Variants in HERC2 observed in about 807,000 individuals in gnomAD.
HERC2 encodes E3 ubiquitin-protein ligase HERC2.
Under a neutral mutation model 537.7 loss-of-function variants are expected in HERC2, and 102 were observed. The observed-to-expected ratio is 0.19, with a 90% CI of 0.16 to 0.22. The LOEUF is 0.22. HERC2 is among the 10% of genes least tolerant of loss of function. The pLI is 1.00. For synonymous variants in HERC2, 2,224 were observed against 2,466.2 expected (o/e 0.90, Z 2.91); for missense variants, 4,236 against 6,198.2 (o/e 0.68, Z 10.63).
In HERC2 at chr15:28,146,319, A is replaced by G. The variant is rs1891730277; in HGVS notation, c.10926T>C (p.Phe3642=). The G allele has an allele frequency of 3.1e-6, 5 of 1,613,948 alleles. No homozygotes were observed. Among genetic ancestry groups the G allele is most frequent in the Admixed American group, 1.7e-5 (1 of 59,998 alleles). The part of the protein sequence containing the change: ...IPGAEGLRVE[F]DRQCSTERRH... ...GCCTCTCTGTGGAGCACTGCCGGTC[A>G]AATTCTACCCTGAGTCCTTCTGCAC... Residue 3642 remains phenylalanine, a synonymous_variant, in exon 71 of 93, where the codon TTT becomes TTC. Transcript: ENST00000261609.
In HERC2 at chr15:28,270,431, G is replaced by A. The variant is rs1191550943; in HGVS notation, c.1257+264C>T. On this transcript the variant is annotated intron_variant, in intron 10 of 92. Transcript: ENST00000261609. ...GAAGGTGGGAGGGCCTGGGGCTGTG[G>A]ATAAAGGGGAGCTCTCTGGGGCTGT... is the stretch of plus-strand genomic sequence containing the variant. Among the ~76,000 whole-genome samples the A allele has an allele frequency of 1.6e-4, 24 of 152,018 alleles. 1 individual carries two copies. Among genetic ancestry groups the A allele is most frequent in the Admixed American group, 1.6e-3 (24 of 15,264 alleles).
chr15:28,158,637 CAT>C (rs1294449713), intron 69 of HERC2, among the ~76,000 whole-genome samples: 5 of 152,132 alleles, frequency 3.3e-5, no homozygotes, highest in African/African-American at 9.7e-5. Flanking sequence ...TGTCTCTGCA[CAT>C]GAGATGGGTT....
intron 4 of HERC2, among the ~76,000 whole-genome samples, chr15:28,282,886 C>T (rs1385766479): frequency 6.6e-6 from 1 of 150,900 alleles, no homozygotes; most frequent in Non-Finnish European, 1.5e-5. Context: ...GAGCCGAGAA[C>T]GTCCACTGCA....
intron 86 of HERC2, 86 bp from the exon 87 acceptor site, chr15:28,117,240 G>A (rs775537998): frequency 7.5e-6 from 10 of 1,339,184 alleles, no homozygotes; most frequent in Admixed American, 1.7e-5. Context: ...GCGAATGCAC[G>A]AGGAGGAGGC....
At chr15:28,171,097 T>C (rs1894649867) in intron 65 of HERC2, among the ~76,000 whole-genome samples, 1 of 152,214 alleles carries the variant, frequency 6.6e-6, no homozygotes, top group Admixed American at 6.5e-5. Context: ...AATTACCATA[T>C]GACCAACCAT....
chr15:28,307,762 T>G (rs1384646261), intron 2 of HERC2, among the ~76,000 whole-genome samples: 1 of 152,266 alleles, frequency 6.6e-6, no homozygotes, highest in Non-Finnish European at 1.5e-5. Flanking sequence ...GCTTCATTCT[T>G]CTGCATATGA....
In HERC2 at chr15:28,142,958, A is replaced by G. The variant is rs1891369821; in HGVS notation, c.11419-6T>C. 6.2e-7 allele frequency: 1 copy of G among 1,606,866 alleles called. No individual in the cohort carries two copies. The highest frequency in any genetic ancestry group is 1.1e-5 in the South Asian group (1 of 89,346). On this transcript the variant is annotated splice_polypyrimidine_tract_variant and splice_region_variant and intron_variant, in intron 74 of 92. Coordinates refer to ENST00000261609, the MANE Select transcript of HERC2 (RefSeq NM_004667.6). The stretch of plus-strand genomic sequence containing the variant: ...AGAGCACTACCTGTAAAACTCTAAG[A>G]AACAACAGAACAGTATTCTATCGCA...
chr15:28,246,109 A>G, intron 22 of HERC2, 43 bp from the exon 23 acceptor site: 1 of 1,295,686 alleles, frequency 7.7e-7, no homozygotes, highest in Non-Finnish European at 1.1e-6. Flanking sequence ...TATTTATCCT[A>G]TAAAAGCTAT....
At chr15:28,175,077 T>C (rs1413185734) in intron 64 of HERC2, among the ~76,000 whole-genome samples, 3 of 151,862 alleles carry the variant, frequency 2.0e-5, no homozygotes, top group Admixed American at 6.6e-5. Flanking sequence ...AAATTTAAAA[T>C]TGAATATCCA....
chr15:28,136,628 C>A (rs1343000487), intron 78 of HERC2, among the ~76,000 whole-genome samples: 1 of 132,138 alleles, frequency 7.6e-6, no homozygotes, highest in Non-Finnish European at 1.5e-5. Context: ...CAGGAGTTGG[C>A]AAATTATGGC....
intron 78 of HERC2, among the ~76,000 whole-genome samples, chr15:28,136,687 C>CG (rs1462961561): frequency 6.6e-6 from 1 of 152,220 alleles, no homozygotes; most frequent in African/African-American, 2.4e-5. Flanking sequence ...TGAAGCTTTA[C>CG]GGGAACACGG....
chr15:28,137,288 T>C (rs1368068711), intron 78 of HERC2, among the ~76,000 whole-genome samples: 1 of 152,246 alleles, frequency 6.6e-6, no homozygotes, highest in Admixed American at 6.5e-5. Context: ...CTGCCTCTGA[T>C]ACGGTTCACA....
chr15:28,210,859 T>G, intron 44 of HERC2, 143 bp downstream of exon 44: 2 of 742,964 alleles, frequency 2.7e-6, no homozygotes, highest in South Asian at 3.2e-5. Flanking sequence ...TTATTCACAG[T>G]TGGTGGTTGC....
At chr15:28,300,357 G>C (rs1385672474) in intron 2 of HERC2, among the ~76,000 whole-genome samples, 2 of 149,538 alleles carry the variant, frequency 1.3e-5, no homozygotes, top group South Asian at 2.1e-4. Context: ...AGAAAAGTAT[G>C]TCAAGGGACT....
At chr15:28,313,338 C>G (rs1198580435) in intron 2 of HERC2, among the ~76,000 whole-genome samples, 4 of 152,204 alleles carry the variant, frequency 2.6e-5, no homozygotes, top group Non-Finnish European at 1.5e-5. Flanking sequence ...CCACCACGCC[C>G]GGCTAATTTT....
intron 38 of HERC2, among the ~76,000 whole-genome samples, chr15:28,217,546 C>T (rs1334238640): frequency 6.6e-6 from 1 of 152,204 alleles, no homozygotes; most frequent in Admixed American, 6.5e-5. Flanking sequence ...CACATGCACA[C>T]TCACCCCACT....
In HERC2 at chr15:28,269,413, A is replaced by G. The variant is rs201936190; in HGVS notation, c.1281T>C (p.Gly427=). The G allele has an allele frequency of 4.0e-4, 644 of 1,613,394 alleles. 5 individuals carry two copies. In the Admixed American group the frequency reaches 8.3e-3, roughly 21 times the overall value. ...SHKGSLQEVI[G]WGLIGWKYYA... ...AGTATTTCCATCCTATTAACCCCCA[A>G]CCTATGACCTCTTGCAATGATCCCT... The change falls in exon 11 of 93, where the codon GGT becomes GGC. Residue 427 remains glycine (G), a synonymous_variant. Coordinates refer to ENST00000261609, the MANE Select transcript of HERC2 (RefSeq NM_004667.6).
intron 89 of HERC2, chr15:28,115,162 C>T: frequency 1.9e-6 from 1 of 514,594 alleles, no homozygotes; most frequent in Non-Finnish European, 3.4e-6. Context: ...ACTCACGGCC[C>T]CCAGCTGCCC....
intron 20 of HERC2, 78 bp from the exon 21 acceptor site, chr15:28,248,814 A>G: frequency 9.0e-7 from 1 of 1,109,456 alleles, no homozygotes. Context: ...GTAAATCATG[A>G]CAAATTAATA....
Sources: gnomAD v4.1 joint callset for allele counts (sites outside exome capture counted in the v4.1 genomes callset) on GRCh38, gnomAD v4.1.1 for gene constraint, MANE v1.5 for transcripts, NCBI Gene and HGNC (gene_info 2026-07-23, HGNC 2026-07-21) for gene names.